GREB1: variants seen among roughly 807,000 people sequenced by gnomAD.
GREB1 encodes the protein growth regulating estrogen receptor binding 1.
Under a neutral mutation model 200.7 loss-of-function variants are expected in GREB1, and 106 were observed. The ratio of observed to expected loss-of-function variants is 0.53; its 90% CI spans 0.45 to 0.62. The LOEUF is 0.62. Ranked by LOEUF, GREB1 falls within the 20% of genes least tolerant of loss-of-function variation. The pLI is 0.00. For synonymous variants in GREB1, 1,132 were observed against 1,092.4 expected (o/e 1.04, Z -0.72); for missense variants, 2,243 against 2,556.8 (o/e 0.88, Z 2.65).
At chr2:11,504,912 G>A (rs562592652) in intron 1 of GREB1, among the ~76,000 whole-genome samples, 2 of 152,292 alleles carry the variant, frequency 1.3e-5, no homozygotes, top group African/African-American at 4.8e-5. Context: ...CAAGATAGGT[G>A]TGATCACATT....
intron 1 of GREB1, among the ~76,000 whole-genome samples, chr2:11,537,649 A>G (rs1674352914): frequency 6.8e-6 from 1 of 147,252 alleles, no homozygotes; most frequent in African/African-American, 2.5e-5. Flanking sequence ...AAGTTTATAT[A>G]TTATATAAAA....
chr2:11,592,939 G>C lies in GREB1; in HGVS notation c.1509G>C (p.Trp503Cys), dbSNP rs781568543. 6 of 1,585,932 alleles carry C rather than the reference G, an allele frequency of 3.8e-6. No homozygotes were observed. In the South Asian group the frequency reaches 5.7e-5, roughly 15 times the overall value. The change falls in exon 11 of 33, where the codon TGG becomes TGC. Residue 503 changes from tryptophan (W) to cysteine (C), a missense_variant. Transcript: ENST00000381486. Reference sequence around the variant, plus strand: ...CCGTGACCTCCGCGCAGCTGCCCTGGCTGGCCAGCCTGGCCGCCAGCTCCT... The same window carrying C: ...CCGTGACCTCCGCGCAGCTGCCCTGCCTGGCCAGCCTGGCCGCCAGCTCCT... ...AAPVTSAQLP[W>C]LASLAASSCN... is the part of the protein sequence containing the mutation.
intron 4 of GREB1, 88 bp from the exon 5 acceptor site, chr2:11,576,265 C>A: frequency 9.4e-7 from 1 of 1,064,010 alleles, no homozygotes; most frequent in Non-Finnish European, 1.4e-6. Context: ...CGAGATCGCA[C>A]CATTGCATTC....
At chr2:11,523,776 G>A (rs1673781719) in intron 1 of GREB1, among the ~76,000 whole-genome samples, 1 of 151,838 alleles carries the variant, frequency 6.6e-6, no homozygotes, top group African/African-American at 2.4e-5. Context: ...GGCCATGGGA[G>A]GCTTTAGCTT....
intron 1 of GREB1, among the ~76,000 whole-genome samples, chr2:11,514,071 A>G (rs1673422412): frequency 6.6e-6 from 1 of 152,182 alleles, no homozygotes. Flanking sequence ...GTGGAGAAGG[A>G]ATATTTTTGA....
At chr2:11,489,594 T>C (rs1389456452) in intron 1 of GREB1, among the ~76,000 whole-genome samples, 1 of 152,256 alleles carries the variant, frequency 6.6e-6, no homozygotes, top group Non-Finnish European at 1.5e-5. Context: ...TGCTTAGCAA[T>C]GTCTTAGACT....
chr2:11,517,492 G>C (rs1673547478), intron 1 of GREB1: 1 of 145,640 alleles, frequency 6.9e-6, no homozygotes, highest in South Asian at 2.4e-4. Context: ...GGGAGACCCG[G>C]TGCTGTAGAC....
At chr2:11,627,215 T>G in intron 25 of GREB1, 111 bp downstream of exon 25, 2 of 968,964 alleles carry the variant, frequency 2.1e-6, no homozygotes, top group Non-Finnish European at 1.5e-6. Context: ...CTGGAAGCCC[T>G]GGCTTCCTGG....
intron 1 of GREB1, among the ~76,000 whole-genome samples, chr2:11,525,820 A>G (rs1373190609): frequency 6.6e-6 from 1 of 152,176 alleles, no homozygotes; most frequent in African/African-American, 2.4e-5. Flanking sequence ...CCCCGGCTCC[A>G]TCCTGCTGTG....
chr2:11,578,888 T>C (rs1679172870), intron 6 of GREB1, among the ~76,000 whole-genome samples: 1 of 152,194 alleles, frequency 6.6e-6, no homozygotes, highest in Admixed American at 6.5e-5. Context: ...CACATTTTAC[T>C]GATTGGGAAG....
intron 24 of GREB1, among the ~76,000 whole-genome samples, chr2:11,625,896 G>T (rs1684410745): frequency 2.0e-5 from 3 of 152,192 alleles, no homozygotes; most frequent in Non-Finnish European, 4.4e-5. Flanking sequence ...GGCTGGGGAG[G>T]CTTCACAATC....
intron 29 of GREB1, 110 bp from the exon 30 acceptor site, chr2:11,635,160 C>G (rs1307500843): frequency 1.5e-6 from 2 of 1,297,354 alleles, no homozygotes; most frequent in Admixed American, 4.1e-5. Context: ...GAAGCCCACT[C>G]CACCTTCATA....
At chr2:11,537,846 C>T (rs929484265) in intron 1 of GREB1, among the ~76,000 whole-genome samples, 6 of 150,834 alleles carry the variant, frequency 4.0e-5, no homozygotes, top group African/African-American at 7.3e-5. Flanking sequence ...TAAAATTATC[C>T]GCAGGATCTA....
upstream of GREB1, among the ~76,000 whole-genome samples, chr2:11,530,565 C>CAAA (rs34552685): frequency 1.1e-4 from 11 of 97,042 alleles, no homozygotes; most frequent in African/African-American, 3.3e-4. Flanking sequence ...GACTCGGTCT[C>CAAA]AAAAAAAAAA....
intron 25 of GREB1, among the ~76,000 whole-genome samples, chr2:11,627,871 G>A (rs1222234283): frequency 3.3e-5 from 5 of 152,288 alleles, no homozygotes; most frequent in East Asian, 1.9e-4. Context: ...GGTCGGGAGC[G>A]GAAGAGAGAA....
rs367909701 is a variant in GREB1 at position 11,578,291 on chromosome 2, C to G, written c.638-6C>G. ...TGGTTTTCACGTGTGCACCTTGCCC[C>G]CTTAGAGTTTAGAAGCCGGCAGATC... On this transcript the variant is annotated splice_polypyrimidine_tract_variant and splice_region_variant and intron_variant, in intron 5 of 32. Coordinates refer to ENST00000381486, the MANE Select transcript of GREB1 (RefSeq NM_014668.4). 15 of 1,611,722 alleles carry G rather than the reference C, an allele frequency of 9.3e-6. No homozygotes were observed. The highest frequency in any genetic ancestry group is 1.3e-5 in the African/African-American group (1 of 74,904).
In GREB1 at chr2:11,610,691, C is replaced by T. The variant is rs1298860531; in HGVS notation, c.2670C>T (p.Phe890=). Residue 890 remains phenylalanine, a synonymous_variant, in exon 18 of 33, where the codon TTC becomes TTT. Coordinates refer to ENST00000381486, the MANE Select transcript of GREB1 (RefSeq NM_014668.4). ...EAMVTALGKR[F]PRLHSAVIRT... ...GGTCTCTCTGTGTTCCTTGCAGGTT[C>T]CCCCGCCTGCACAGCGCGGTGATCA... The T allele has an allele frequency of 1.4e-5, 23 of 1,606,436 alleles. No individual in the cohort carries two copies. The highest frequency in any genetic ancestry group is 1.9e-5 in the Non-Finnish European group (22 of 1,175,686).
At chr2:11,581,604 C>T (rs1679488099) in intron 7 of GREB1, among the ~76,000 whole-genome samples, 3 of 152,164 alleles carry the variant, frequency 2.0e-5, no homozygotes, top group Admixed American at 2.0e-4. Flanking sequence ...AACCTGGGGA[C>T]CTGCTCGTGG....
At chr2:11,533,698 G>C (rs958859738), upstream of GREB1, among the ~76,000 whole-genome samples, 1 of 152,232 alleles carries the variant, frequency 6.6e-6, no homozygotes, top group Non-Finnish European at 1.5e-5. Context: ...AGCCGGTGAT[G>C]AACGTTTTGG....
Sources: allele counts gnomAD v4.1 joint callset (sites outside exome capture counted in the v4.1 genomes callset), GRCh38; gene constraint gnomAD v4.1.1; transcripts MANE v1.5; gene names NCBI Gene and HGNC (gene_info 2026-07-23, HGNC 2026-07-21).